Variants in PLCH2 observed in about 807,000 individuals in gnomAD.
The protein encoded by PLCH2 is phospholipase C eta 2.
A neutral mutation model predicts 134.7 loss-of-function variants in PLCH2; 98 were observed. The ratio of observed to expected loss-of-function variants is 0.73; its 90% confidence interval spans 0.62 to 0.86. The LOEUF is 0.86. Ranked by LOEUF, PLCH2 falls within the 40% of genes least tolerant of loss-of-function variation. The pLI is 0.00. For synonymous variants in PLCH2, 974 were observed against 827.5 expected, an observed-to-expected ratio of 1.18 and a Z score of -3.04; for missense variants, 1,994 against 1,986.6, an observed-to-expected ratio of 1.00 and a Z score of -0.07.
Position 2,448,138 on chromosome 1 carries a change from G to A in PLCH2, c.115+17509G>A, listed in dbSNP as rs1348248663. ...CTTTGCTGACAGCTGGGCTGCCCTTGCCCTCCTGGAGCGCCAGGTGCCCCG... is the reference window on the plus strand; with the variant it reads ...CTTTGCTGACAGCTGGGCTGCCCTTACCCTCCTGGAGCGCCAGGTGCCCCG... On this transcript the variant is annotated intron_variant, in intron 2 of 3. Coordinates refer to the PLCH2 transcript ENST00000609981. The surrounding 1 kb of genome is among the most constrained non-coding windows in gnomAD (Gnocchi z 4.0). 6.6e-6 allele frequency among the ~76,000 whole-genome samples: 1 copy of A among 152,212 alleles called. No individual in the cohort carries two copies. The highest frequency in any genetic ancestry group is 1.5e-5 in the Non-Finnish European group (1 of 68,034).
intron 7 of PLCH2, 80 bp from the exon 8 acceptor site, chr1:2,487,518 C>T (rs1642351823): frequency 3.3e-6 from 5 of 1,533,886 alleles, no homozygotes; most frequent in Non-Finnish European, 4.4e-6. Flanking sequence ...TGGGACAGGC[C>T]CTCTTTTGGT....
intron 13 of PLCH2, among the ~76,000 whole-genome samples, chr1:2,495,957 C>T (rs936870632): frequency 6.6e-6 from 1 of 152,174 alleles, no homozygotes; most frequent in African/African-American, 2.4e-5. Context: ...AAGGCCCAGG[C>T]CCCCGTGTCG....
At chr1:2,423,611 C>T (rs1638631470), upstream of PLCH2, among the ~76,000 whole-genome samples, 1 of 151,990 alleles carries the variant, frequency 6.6e-6, no homozygotes, top group South Asian at 2.1e-4. Context: ...GGGTCACTGA[C>T]TTGTTGGGGT....
chr1:2,486,430 G>A (rs985461102), intron 5 of PLCH2, among the ~76,000 whole-genome samples: 6 of 152,204 alleles, frequency 3.9e-5, no homozygotes, highest in African/African-American at 1.4e-4. Flanking sequence ...AGGTCCCTTG[G>A]CCTGTGATGC....
chr1:2,450,044 C>T (rs1166873889), intron 2 of PLCH2, among the ~76,000 whole-genome samples: 1 of 152,232 alleles, frequency 6.6e-6, no homozygotes, highest in Non-Finnish European at 1.5e-5. Context: ...GTCTCCCTGG[C>T]TCCCCTGGGG....
chr1:2,478,703 G>A, intron 2 of PLCH2, 81 bp downstream of exon 2: 1 of 1,375,092 alleles, frequency 7.3e-7, no homozygotes, highest in Non-Finnish European at 1.0e-6. Flanking sequence ...GGCAGCCACT[G>A]ATGGCTGAGG....
intron 1 of PLCH2, among the ~76,000 whole-genome samples, chr1:2,428,969 G>A (rs745762151): frequency 5.9e-5 from 9 of 152,160 alleles, no homozygotes; most frequent in Non-Finnish European, 1.3e-4. Context: ...GTGGCCCAAT[G>A]CCCTCTCCCT....
At position 2,504,166 on chromosome 1, in the gene PLCH2, C is replaced by T. The variant is rs929460575; in HGVS notation, c.3204C>T (p.Tyr1068=). The T allele has an allele frequency of 7.8e-6, 12 of 1,529,744 alleles. No individual in the cohort carries two copies. Among genetic ancestry groups the T allele is most frequent in the Middle Eastern group, 1.8e-4 (1 of 5,580 alleles). 94.8% of individuals were successfully genotyped at this position (1,529,744 alleles called of 1,614,324 possible). The change falls in exon 22 of 22, where the codon TAC becomes TAT. Residue 1068 remains tyrosine (Y), a synonymous_variant. Coordinates refer to ENST00000378486, the MANE Select transcript of PLCH2 (RefSeq NM_014638.4). The stretch of plus-strand genomic sequence containing the variant: ...ACGGCGAGGGCGCCGGCGGGGCATA[C>T]GAGAGGGCCCCCGGCAGCCAGACGG... ...PCNGEGAGGA[Y]ERAPGSQTDG...
chr1:2,497,743 T>A, intron 16 of PLCH2, 134 bp downstream of exon 16: 1 of 608,648 alleles, frequency 1.6e-6, no homozygotes, highest in South Asian at 2.1e-5. Flanking sequence ...CCCTGGAGGG[T>A]CAGGTTGGGA....
chr1:2,484,436 C>T lies in PLCH2; in HGVS notation c.646-12C>T. ...CGAGGTGCCAATGGGGACCCAAGGCCTTGCATTGCAGGAAGCGGACACGGA... is the reference window on the plus strand; with the variant it reads ...CGAGGTGCCAATGGGGACCCAAGGCTTTGCATTGCAGGAAGCGGACACGGA... On this transcript the variant is annotated splice_polypyrimidine_tract_variant and intron_variant, in intron 4 of 21. Coordinates refer to ENST00000378486, the MANE Select transcript of PLCH2 (RefSeq NM_014638.4). 3 of 1,612,850 alleles carry T rather than the reference C, an allele frequency of 1.9e-6. No individual in the cohort carries two copies. Among genetic ancestry groups the T allele is most frequent in the East Asian group, 2.2e-5 (1 of 44,870 alleles).
intron 2 of PLCH2, among the ~76,000 whole-genome samples, chr1:2,431,254 G>A (rs560225100): frequency 3.9e-5 from 6 of 152,192 alleles, no homozygotes; most frequent in South Asian, 4.1e-4. Context: ...AGTGGTGAGC[G>A]TGTGTGCGTG....
intron 21 of PLCH2, chr1:2,502,955 A>G (rs1643320667): frequency 8.4e-6 from 6 of 717,130 alleles, no homozygotes; most frequent in South Asian, 3.0e-5. Context: ...CGCCCCTGGC[A>G]TGGCTGGGCC....
intron 11 of PLCH2, among the ~76,000 whole-genome samples, chr1:2,492,147 G>T (rs949837072): frequency 6.6e-6 from 1 of 152,200 alleles, no homozygotes; most frequent in African/African-American, 2.4e-5. Context: ...CCCTTGGGGA[G>T]GGTGGGAAGG....
At position 2,501,848 on chromosome 1, in the gene PLCH2, C is replaced by T. The variant is rs368716096; in HGVS notation, c.2662-264C>T. The stretch of plus-strand genomic sequence containing the variant: ...CCCCACATGCCCTGGACAGGTCAGG[C>T]GAGGGCAGTTTCTGCCGGAAGGGTG... On this transcript the variant is annotated intron_variant, in intron 20 of 21. Coordinates refer to ENST00000378486, the MANE Select transcript of PLCH2 (RefSeq NM_014638.4). The T allele has an allele frequency of 1.6e-3, 708 of 449,580 alleles. 2 individuals carry two copies. Among genetic ancestry groups the T allele is most frequent in the African/African-American group, 0.013 (622 of 48,734 alleles). The allele number at this position is 449,580 out of a possible 1,614,324, so 27.8% of individuals were successfully genotyped here. A position where few individuals can be genotyped will look rare whatever the true frequency, so the allele number is the denominator to read the frequency against.
At chr1:2,446,100 C>T (rs1388833257) in intron 2 of PLCH2, among the ~76,000 whole-genome samples, 2 of 152,214 alleles carry the variant, frequency 1.3e-5, no homozygotes, top group Non-Finnish European at 2.9e-5. Context: ...CTTCCACCCC[C>T]GTCCTGCTTC....
At position 2,504,161 on chromosome 1, in the gene PLCH2, G is replaced by T. The variant is rs760831063; in HGVS notation, c.3199G>T (p.Ala1067Ser). Residue 1067 changes from alanine to serine, a missense_variant, in exon 22 of 22, where the codon GCA (alanine) becomes TCA (serine). This residue lies in a region of PLCH2 where 900 missense variants were observed against 752.3 expected (regional missense o/e 1.20). Transcript: ENST00000378486. ...RPCNGEGAGG[A>S]YERAPGSQTD... ...GTGCAACGGCGAGGGCGCCGGCGGG[G>T]CATACGAGAGGGCCCCCGGCAGCCA... The T allele has an allele frequency of 1.3e-5, 20 of 1,528,002 alleles. No individual in the cohort carries two copies. In the Admixed American group the frequency reaches 4.1e-4, roughly 31 times the overall value. The allele number at this position is 1,528,002 out of a possible 1,614,324, so 94.7% of individuals were successfully genotyped here.
intron 12 of PLCH2, 128 bp from the exon 13 acceptor site, chr1:2,495,360 G>A: frequency 1.4e-6 from 1 of 718,920 alleles, no homozygotes; most frequent in Non-Finnish European, 2.3e-6. Flanking sequence ...AGCCAGGCGG[G>A]ATGGACATGG....
upstream of PLCH2, among the ~76,000 whole-genome samples, chr1:2,473,358 G>A (rs1641434965): frequency 1.3e-5 from 2 of 152,192 alleles, no homozygotes. Context: ...GGGATCACGG[G>A]CGCATTCCTC....
rs1643471722 is a variant in PLCH2 at position 2,505,084 on chromosome 1, G to A, written c.4122G>A (p.Glu1374=). The A allele has an allele frequency of 6.5e-7, 1 of 1,539,042 alleles. No homozygotes were observed. The highest frequency in any genetic ancestry group is 8.7e-7 in the Non-Finnish European group (1 of 1,150,084). ...QGLGRQGPPE[E]ERGTPEGACS... ...TGGGCCGGCAGGGACCCCCAGAAGA[G>A]GAGCGGGGCACCCCCGAGGGCGCCT... The change falls in exon 22 of 22, where the codon GAG becomes GAA. Residue 1374 remains glutamate (E), a synonymous_variant. Coordinates refer to ENST00000378486, the MANE Select transcript of PLCH2 (RefSeq NM_014638.4).
Sources: gnomAD v4.1 joint callset for allele counts (sites outside exome capture counted in the v4.1 genomes callset) on GRCh38, gnomAD v4.1.1 for gene constraint, gnomAD v4.1.1 regional missense constraint, Gnocchi (gnomAD v3.1) non-coding constraint, MANE v1.5 for transcripts, NCBI Gene and HGNC (gene_info 2026-07-23, HGNC 2026-07-21) for gene names.